Variants in MAST2 observed in about 807,000 individuals in gnomAD.
MAST2 encodes microtubule associated serine/threonine kinase 2, also known as microtubule-associated serine/threonine-protein kinase 2.
MAST2 carries 70 observed loss-of-function variants against 147.4 expected under a neutral mutation model. The ratio of observed to expected loss-of-function variants is 0.47; its 90% confidence interval spans 0.39 to 0.58. MAST2 has a LOEUF of 0.58. Among genes scored for constraint, MAST2 ranks in the 20% least tolerant of loss-of-function variants. The pLI is 0.00. For missense variants in MAST2, 2,080 were observed against 2,302.3 expected (o/e 0.90, Z 1.98); for synonymous variants, 869 against 896.8 (o/e 0.97, Z 0.55).
rs1651434844 is a variant in MAST2 at position 45,910,067 on chromosome 1, A to ACAC, written c.500+27672_500+27673insCAC. Among the ~76,000 whole-genome samples the ACAC allele has an allele frequency of 1.1e-4, 17 of 150,114 alleles. 1 individual carries two copies. In the Middle Eastern group the frequency reaches 0.021, roughly 188 times the overall value. Reference sequence around the variant, plus strand: ...ACTCTGGTTTATTTTCTGTGTTTCCAATCTTCAGTGATAGTAATTGTGTAA... The same window carrying ACAC: ...ACTCTGGTTTATTTTCTGTGTTTCCACACATCTTCAGTGATAGTAATTGTGTAA... On this transcript the variant is annotated intron_variant, in intron 4 of 28. Transcript: ENST00000361297.
In MAST2 at chr1:46,029,929, G is replaced by C; in HGVS notation, c.2419G>C (p.Glu807Gln). ...TGAATTTATTCCTCAGTTGGAGTCA[G>C]AGGATGATACTAGCTATTTTGACAG... The part of the protein sequence containing the change: ...KAEFIPQLES[E>Q]DDTSYFDTRS... Residue 807 changes from glutamate to glutamine, a missense_variant, in exon 20 of 29, where the codon GAG (glutamate) becomes CAG (glutamine). Glu to Gln is a conservative substitution (Grantham distance 29). Coordinates refer to ENST00000361297, the MANE Select transcript of MAST2 (RefSeq NM_015112.3). The C allele has an allele frequency of 6.2e-7, 1 of 1,614,210 alleles. No homozygotes were observed. Among genetic ancestry groups the C allele is most frequent in the Non-Finnish European group, 8.5e-7 (1 of 1,180,046 alleles).
At chr1:45,872,703 A>G (rs1412002713) in intron 3 of MAST2, among the ~76,000 whole-genome samples, 1 of 151,014 alleles carries the variant, frequency 6.6e-6, no homozygotes, top group East Asian at 1.9e-4. Flanking sequence ...CTGGTCTCAA[A>G]CTCCCGACCT....
chr1:45,913,325 C>T lies in MAST2; in HGVS notation c.500+30930C>T, dbSNP rs373077251. ...ATTATTTTACCAGTTTCTTCCAGTC[C>T]CTTGCCCACTGCAACAGCTGTTTAG... On this transcript the variant is annotated intron_variant, in intron 4 of 28. Transcript: ENST00000361297. Among the ~76,000 whole-genome samples the T allele has an allele frequency of 8.5e-5, 13 of 152,320 alleles. No individual in the cohort carries two copies. In the East Asian group the frequency reaches 2.3e-3, roughly 27 times the overall value.
rs550552818 is a variant in MAST2, at chr1:45,858,563, T to G, written c.469-23801T>G. ...AAAAATTTTCCCCCATTCTGTAGGT[T>G]GCCTGTTCACTCTGATGGTAGTTTC... On this transcript the variant is annotated intron_variant, in intron 3 of 28. Transcript: ENST00000361297. Among the ~76,000 whole-genome samples the G allele has an allele frequency of 2.7e-5, 4 of 148,964 alleles. No individual in the cohort carries two copies. The South Asian group carries it at 8.9e-4, about 33-fold the overall frequency.
intron 4 of MAST2, among the ~76,000 whole-genome samples, chr1:45,942,284 A>G (rs1012867428): frequency 2.0e-4 from 30 of 152,338 alleles, no homozygotes; most frequent in Admixed American, 6.5e-5. Context: ...GTTGTAAATT[A>G]ACTTAAGCAG....
At chr1:45,940,620 G>GTT (rs1657101530) in intron 4 of MAST2, among the ~76,000 whole-genome samples, 1 of 137,174 alleles carries the variant, frequency 7.3e-6, no homozygotes, top group Non-Finnish European at 1.7e-5. Flanking sequence ...GAAGGTTGAG[G>GTT]ATTTTTTTTT....
At chr1:45,892,983 G>T (rs574344562) in intron 4 of MAST2, among the ~76,000 whole-genome samples, 1 of 152,218 alleles carries the variant, frequency 6.6e-6, no homozygotes, top group Non-Finnish European at 1.5e-5. Context: ...TAATATTCTT[G>T]TGGTATTATA....
intron 4 of MAST2, among the ~76,000 whole-genome samples, chr1:45,903,784 C>T (rs1409298997): frequency 6.6e-6 from 1 of 152,150 alleles, no homozygotes; most frequent in South Asian, 2.1e-4. Context: ...CTTCCTGAAT[C>T]GGGTCTCCAT....
chr1:45,863,062 C>T (rs1294860218), intron 3 of MAST2, among the ~76,000 whole-genome samples: 5 of 151,932 alleles, frequency 3.3e-5, no homozygotes, highest in Admixed American at 2.6e-4. Flanking sequence ...GGTAATCTTT[C>T]CTCATCCCTA....
chr1:45,825,484 G>A (rs1644763551), intron 2 of MAST2, among the ~76,000 whole-genome samples: 1 of 151,490 alleles, frequency 6.6e-6, no homozygotes, highest in Non-Finnish European at 1.5e-5. Flanking sequence ...CCAGGCTGGA[G>A]TTTAGTGGCA....
intron 4 of MAST2, among the ~76,000 whole-genome samples, chr1:45,899,997 C>T (rs964115885): frequency 7.9e-5 from 12 of 151,414 alleles, no homozygotes; most frequent in Non-Finnish European, 1.6e-4. Context: ...TGGTAAAACC[C>T]TGTCTCTACT....
intron 4 of MAST2, among the ~76,000 whole-genome samples, chr1:45,948,320 A>G (rs947385553): frequency 6.6e-6 from 1 of 152,204 alleles, no homozygotes; most frequent in Non-Finnish European, 1.5e-5. Flanking sequence ...CATTAAAATG[A>G]TCATATTGCC....
chr1:45,857,850 G>GTTTTTTTTT (rs35371770), intron 3 of MAST2, among the ~76,000 whole-genome samples: 3 of 66,576 alleles, frequency 4.5e-5, no homozygotes, highest in African/African-American at 5.9e-5. Flanking sequence ...AACATGCGGT[G>GTTTTTTTTT]TTTTTTTTTT....
chr1:46,025,584 C>A, intron 15 of MAST2, 93 bp from the exon 16 acceptor site: 1 of 1,467,202 alleles, frequency 6.8e-7, no homozygotes, highest in Non-Finnish European at 9.5e-7. Context: ...ATGAAGCTGT[C>A]TCCTCTGGGA....
chr1:46,030,053 C>T, intron 20 of MAST2, 76 bp from the exon 21 acceptor site: 1 of 1,604,984 alleles, frequency 6.2e-7, no homozygotes, highest in South Asian at 1.1e-5. Context: ...TCTCAGGGCT[C>T]TGCTGAAATC....
chr1:45,999,014 G>C (rs990792893), intron 6 of MAST2, among the ~76,000 whole-genome samples: 5 of 152,150 alleles, frequency 3.3e-5, no homozygotes, highest in African/African-American at 1.2e-4. Context: ...TTACAGGCAT[G>C]AGCCACCGTG....
At chr1:45,953,886 GAT>G (rs1273397019) in intron 4 of MAST2, among the ~76,000 whole-genome samples, 1 of 152,084 alleles carries the variant, frequency 6.6e-6, no homozygotes, top group Non-Finnish European at 1.5e-5. Flanking sequence ...TAATATAATG[GAT>G]ACGTAATAAT....
At chr1:46,034,362 C>A in intron 28 of MAST2, 96 bp downstream of exon 28, 1 of 1,398,808 alleles carries the variant, frequency 7.1e-7, no homozygotes, top group South Asian at 1.4e-5. Flanking sequence ...CTGAGTCTCT[C>A]ATTTAGCCCA....
At chr1:45,926,665 C>T (rs1654416966) in intron 4 of MAST2, among the ~76,000 whole-genome samples, 1 of 152,114 alleles carries the variant, frequency 6.6e-6, no homozygotes, top group African/African-American at 2.4e-5. Flanking sequence ...TTTCATTTCT[C>T]CTCTTACAGC....
Sources: gnomAD v4.1 joint callset for allele counts (sites outside exome capture counted in the v4.1 genomes callset) on GRCh38, gnomAD v4.1.1 for gene constraint, MANE v1.5 for transcripts, NCBI Gene and HGNC (gene_info 2026-07-23, HGNC 2026-07-21) for gene names.